The following EPB41L2 variants were observed in gnomAD, a reference collection of about 807,000 sequenced individuals.
EPB41L2 encodes erythrocyte membrane protein band 4.1 like 2.
A neutral mutation model predicts 113.0 loss-of-function variants in EPB41L2; 43 were observed. That is an observed-to-expected ratio of 0.38 (90% CI 0.30 to 0.49). The LOEUF is 0.49. EPB41L2 is among the 20% of genes least tolerant of loss of function. The probability of loss-of-function intolerance (pLI) is 0.95; values close to 1 mark genes in which losing one functional copy is unlikely to be tolerated. For missense variants in EPB41L2, 1,147 were observed against 1,223.4 expected (o/e 0.94, Z 0.93); for synonymous variants, 442 against 436.7 (o/e 1.01, Z -0.15).
At chr6:130,898,918 T>A (rs77005505) in intron 8 of EPB41L2, among the ~76,000 whole-genome samples, 3 of 152,150 alleles carry the variant, frequency 2.0e-5, no homozygotes, top group Non-Finnish European at 4.4e-5. Context: ...CATGTCCCCA[T>A]TGTCCCACTC....
intron 1 of EPB41L2, among the ~76,000 whole-genome samples, chr6:131,057,853 C>T (rs552202469): frequency 2.6e-5 from 4 of 152,168 alleles, no homozygotes; most frequent in African/African-American, 4.8e-5. Flanking sequence ...CAATAAGGTC[C>T]GATAGATGAA....
At chr6:130,888,967 G>GA (rs1278615169) in intron 11 of EPB41L2, among the ~76,000 whole-genome samples, 2 of 151,996 alleles carry the variant, frequency 1.3e-5, no homozygotes, top group Non-Finnish European at 2.9e-5. Context: ...TTTTCTTCTA[G>GA]AAAAAGCAGA....
chr6:130,985,297 G>C (rs184045336), intron 1 of EPB41L2, among the ~76,000 whole-genome samples: 11 of 152,176 alleles, frequency 7.2e-5, no homozygotes, highest in East Asian at 5.8e-4. Context: ...GCCACATTTG[G>C]GGGGGGACTT....
At chr6:130,875,290 G>A (rs1272768242) in intron 14 of EPB41L2, among the ~76,000 whole-genome samples, 1 of 152,104 alleles carries the variant, frequency 6.6e-6, no homozygotes, top group African/African-American at 2.4e-5. Flanking sequence ...TCCTCATCCA[G>A]TGCCAGGGGG....
chr6:130,859,751 C>CA (rs5880039), intron 18 of EPB41L2, among the ~76,000 whole-genome samples: 45,771 of 131,548 alleles, frequency 0.35, 7,805 homozygotes, highest in East Asian at 0.49. Context: ...GTAAAGCTAC[C>CA]AAAAAAAAAA....
At chr6:130,894,886 GAATT>G (rs1290927763) in intron 9 of EPB41L2, 77 bp downstream of exon 9, 9 of 1,355,948 alleles carry the variant, frequency 6.6e-6, no homozygotes, top group South Asian at 5.1e-5. Flanking sequence ...TAAAATTTTA[GAATT>G]AATAGAAAAG....
At chr6:131,023,747 C>CTATA (rs59964541) in intron 1 of EPB41L2, among the ~76,000 whole-genome samples, 1,561 of 123,026 alleles carry the variant, frequency 0.013, 38 homozygotes, top group East Asian at 0.051. Flanking sequence ...ATCTATATAT[C>CTATA]TATATATAGA....
intron 1 of EPB41L2, among the ~76,000 whole-genome samples, chr6:130,999,085 C>T (rs1468371288): frequency 1.3e-5 from 2 of 152,082 alleles, no homozygotes; most frequent in East Asian, 1.9e-4. Context: ...CCCATAATGA[C>T]GAGCACCACC....
rs1181833633 is a variant in EPB41L2 at position 130,926,685 on chromosome 6, A to T, written c.730T>A (p.Phe244Ile). 6.2e-7 allele frequency: 1 copy of T among 1,607,230 alleles called. No homozygotes were observed. The highest frequency in any genetic ancestry group is 1.1e-5 in the South Asian group (1 of 88,388). The change falls in exon 4 of 20, where the codon TTT (phenylalanine) becomes ATT (isoleucine). Residue 244 changes from phenylalanine (F) to isoleucine (I), a missense_variant. Coordinates refer to ENST00000337057, the MANE Select transcript of EPB41L2 (RefSeq NM_001431.4). Reference protein sequence around the residue: ...LEKHAKGQVLFDKVCEHLNLL... With the variant: ...LEKHAKGQVLIDKVCEHLNLL... ...TTGAGGTGTTCACACACTTTGTCAA[A>T]TAACACTTGTCCCTTGGCATGTTTC...
chr6:130,900,034 T>C (rs902969246), intron 7 of EPB41L2, among the ~76,000 whole-genome samples: 3 of 152,208 alleles, frequency 2.0e-5, no homozygotes, highest in African/African-American at 7.2e-5. Flanking sequence ...CAATTGTCCA[T>C]ACTAAAATTA....
intron 18 of EPB41L2, among the ~76,000 whole-genome samples, chr6:130,862,971 TA>T (rs893320314): frequency 3.3e-5 from 5 of 152,164 alleles, no homozygotes; most frequent in African/African-American, 7.2e-5. Context: ...AAATCACTTT[TA>T]AAAAAATTGT....
intron 1 of EPB41L2, among the ~76,000 whole-genome samples, chr6:131,039,823 CAA>C (rs1794086767): frequency 6.8e-6 from 1 of 147,252 alleles, no homozygotes. Flanking sequence ...AAATGATACT[CAA>C]AAAGAGAAAC....
intron 1 of EPB41L2, among the ~76,000 whole-genome samples, chr6:130,998,847 T>C (rs1401129247): frequency 6.6e-6 from 1 of 152,156 alleles, no homozygotes; most frequent in Non-Finnish European, 1.5e-5. Context: ...GATCATATCA[T>C]TCACCTGTAC....
intron 1 of EPB41L2, among the ~76,000 whole-genome samples, chr6:130,976,916 T>G (rs574450940): frequency 1.9e-4 from 29 of 152,252 alleles, no homozygotes; most frequent in African/African-American, 5.5e-4. Flanking sequence ...TACTGGACAT[T>G]TACAGTCTAG....
intron 4 of EPB41L2, among the ~76,000 whole-genome samples, chr6:130,912,363 A>G (rs1203628358): frequency 1.4e-4 from 21 of 152,250 alleles, no homozygotes; most frequent in Admixed American, 1.1e-3. Context: ...ATAACGGAAC[A>G]TTAACTGACA....
Position 131,045,425 on chromosome 6 carries a change from G to T in EPB41L2, c.-15+17730C>A, listed in dbSNP as rs9492789. On this transcript the variant is annotated intron_variant, in intron 1 of 19. Transcript: ENST00000337057. ...TAAGTCACTGAAATGCAGAACTCAA[G>T]AGAAAGACTTAGCCTGGAGAGAGAT... Among the ~76,000 whole-genome samples the T allele has an allele frequency of 7.5e-5, 10 of 133,262 alleles. No individual in the cohort carries two copies. In the East Asian group the frequency reaches 2.2e-3, roughly 29 times the overall value. 87.4% of individuals were successfully genotyped at this position (133,262 alleles called of 152,430 possible).
rs144039061 is a variant in EPB41L2 at position 130,955,315 on chromosome 6, A to T, written c.495T>A (p.Pro165=). Residue 165 remains proline, a splice_region_variant and synonymous_variant, in exon 3 of 20, where the codon CCT becomes CCA. Transcript: ENST00000337057. ...KPSVSKVEMQ[P]TELVSKEREE... ...CTCTCTCCTTACTTACTAATTCAGTAGGCTGTTGAGGAAAAAAAAATAAAT... is the reference window on the plus strand; with the variant it reads ...CTCTCTCCTTACTTACTAATTCAGTTGGCTGTTGAGGAAAAAAAAATAAAT... 199 of 1,582,888 alleles carry T rather than the reference A, an allele frequency of 1.3e-4. No individual in the cohort carries two copies. In the African/African-American group the frequency reaches 2.8e-3, roughly 23 times the overall value.
chr6:130,987,258 G>A (rs776336483), intron 1 of EPB41L2, among the ~76,000 whole-genome samples: 1 of 152,136 alleles, frequency 6.6e-6, no homozygotes, highest in Non-Finnish European at 1.5e-5. Context: ...CAGAACTGCT[G>A]GATCGAATAA....
In EPB41L2 at chr6:131,032,193, TAA is replaced by T. The variant is rs1405965380; in HGVS notation, c.-15+30960_-15+30961del. Among the ~76,000 whole-genome samples, 16 of 152,170 alleles carry T rather than the reference TAA, an allele frequency of 1.1e-4. No homozygotes were observed. In the East Asian group the frequency reaches 3.1e-3, roughly 29 times the overall value. ...ACAGAGACAGCCCTAGCCAGCACAA[TAA>T]AGTCTTGCTTGAAGAGGGACTGGTA... On this transcript the variant is annotated intron_variant, in intron 1 of 19. Transcript: ENST00000337057.
Sources: allele counts gnomAD v4.1 joint callset (sites outside exome capture counted in the v4.1 genomes callset), GRCh38; gene constraint gnomAD v4.1.1; transcripts MANE v1.5; gene names NCBI Gene and HGNC (gene_info 2026-07-23, HGNC 2026-07-21).